Variants in REPS2 observed in about 807,000 individuals in gnomAD.
REPS2 encodes RALBP1 associated Eps domain containing 2.
In REPS2, 23 loss-of-function variants were observed where a neutral mutation model predicts 53.6. That is an observed-to-expected ratio of 0.43 (90% confidence interval 0.31 to 0.61). The LOEUF (loss-of-function observed/expected upper bound fraction) is 0.61, where lower values mean the gene tolerates loss of function less well. REPS2 is among the 20% of genes least tolerant of loss of function. REPS2 has a pLI of 0.11. For synonymous variants in REPS2, 238 were observed against 218.6 expected (o/e 1.09, Z -0.78); for missense variants, 446 against 534.9 (o/e 0.83, Z 1.64).
intron 14 of REPS2, among the ~76,000 whole-genome samples, chrX:17,106,092 C>T (rs1283474554): frequency 2.7e-5 from 3 of 111,745 alleles, no homozygotes; most frequent in Non-Finnish European, 5.6e-5. Context: ...CCAGCAATTT[C>T]CTAGCTTCTG....
intron 15 of REPS2, 150 bp downstream of exon 15, chrX:17,134,057 A>G (rs1430043237): frequency 4.1e-6 from 2 of 483,213 alleles, no homozygotes; most frequent in Non-Finnish European, 7.2e-6. Context: ...TTCTTTGTGA[A>G]GATTGGGGTC....
intron 10 of REPS2, among the ~76,000 whole-genome samples, chrX:17,069,423 A>G (rs2062273203): frequency 8.9e-6 from 1 of 112,576 alleles, no homozygotes; most frequent in Non-Finnish European, 1.9e-5. Flanking sequence ...AACATGAAAA[A>G]TAAGTTTTCC....
chrX:16,994,922 T>A (rs1450949966), intron 1 of REPS2, among the ~76,000 whole-genome samples: 1 of 112,121 alleles, frequency 8.9e-6, no homozygotes. Context: ...TCTGACACTT[T>A]TAGCTTATTT....
At chrX:17,087,043 G>GGGGGTGCA (rs1413365828) in intron 13 of REPS2, among the ~76,000 whole-genome samples, 1 of 112,141 alleles carries the variant, frequency 8.9e-6, no homozygotes, top group African/African-American at 3.2e-5. Context: ...TTTGTGGGCA[G>GGGGGTGCA]GGGGTGCACA....
In REPS2 at chrX:16,946,890, C is replaced by G; in HGVS notation, c.29C>G (p.Ala10Gly). 2.6e-6 allele frequency: 2 copies of G among 768,840 alleles called. No individual in the cohort carries two copies. Among genetic ancestry groups the G allele is most frequent in the Non-Finnish European group, 3.1e-6 (2 of 652,478 alleles). The allele number at this position is 768,840 out of a possible 1,213,427, so 63.4% of individuals were successfully genotyped here. ...GAGGCGGCAGCGGCGGCGGCGGCGGCGGCAGCGGCAGCGGCAGCGGCGGGC... is the reference window on the plus strand; with the variant it reads ...GAGGCGGCAGCGGCGGCGGCGGCGGGGGCAGCGGCAGCGGCAGCGGCGGGC... The part of the protein sequence containing the change: MEAAAAAAA[A>G]AAAAAAAGGG... The change falls in exon 1 of 18, where the codon GCG becomes GGG. Residue 10 changes from alanine (A) to glycine (G), a missense_variant. Coordinates refer to ENST00000357277, the MANE Select transcript of REPS2 (RefSeq NM_004726.3).
At chrX:17,077,468 C>T in intron 13 of REPS2, 61 bp downstream of exon 13, 1 of 1,091,768 alleles carries the variant, frequency 9.2e-7, no homozygotes, top group African/African-American at 1.8e-5. Context: ...GGATGTGTGT[C>T]TGCCACAGTG....
At position 17,141,059 on chromosome X, in the gene REPS2, C is replaced by T. The variant is rs188576463; in HGVS notation, c.1914+2098C>T. On this transcript the variant is annotated intron_variant, in intron 17 of 17. Transcript: ENST00000357277. ...TGCTGGGATTACAGGCGTGAGCCAC[C>T]GCGCCAGCGCACGCACAAACCTTAA... Among the ~76,000 whole-genome samples the T allele has an allele frequency of 5.0e-3, 555 of 111,747 alleles. 5 individuals are homozygous for T. The highest frequency in any genetic ancestry group is 0.016 in the African/African-American group (507 of 30,773).
intron 13 of REPS2, among the ~76,000 whole-genome samples, chrX:17,096,712 C>T (rs1280741577): frequency 1.0e-5 from 1 of 99,944 alleles, no homozygotes. Context: ...AATGAATGGC[C>T]AAGAAATTAT....
At chrX:17,044,130 G>A (rs1423049218) in intron 5 of REPS2, among the ~76,000 whole-genome samples, 2 of 111,544 alleles carry the variant, frequency 1.8e-5, no homozygotes, top group African/African-American at 6.5e-5. Flanking sequence ...GTAGACCTGA[G>A]ACCTGCCTGC....
intron 1 of REPS2, among the ~76,000 whole-genome samples, chrX:16,958,078 G>A (rs760083056): frequency 1.3e-4 from 14 of 111,832 alleles, no homozygotes; most frequent in Non-Finnish European, 2.1e-4. Flanking sequence ...CTTGCCCAAG[G>A]TCACATAGAT....
intron 1 of REPS2, among the ~76,000 whole-genome samples, chrX:17,004,862 C>CT (rs5901600): frequency 9.6e-6 from 1 of 104,485 alleles, no homozygotes; most frequent in African/African-American, 3.5e-5. Context: ...ATTACAATGT[C>CT]TTTTTTTTTT....
intron 1 of REPS2, among the ~76,000 whole-genome samples, chrX:16,961,794 G>A (rs189836504): frequency 6.3e-5 from 7 of 111,869 alleles, no homozygotes; most frequent in African/African-American, 1.9e-4. Context: ...GAACTCAATG[G>A]TAAGAAAATG....
intron 13 of REPS2, among the ~76,000 whole-genome samples, chrX:17,080,948 A>G (rs936951910): frequency 3.6e-5 from 4 of 110,702 alleles, no homozygotes; most frequent in African/African-American, 9.9e-5. Context: ...GGGGAAGCCT[A>G]CCTCACCTGC....
intron 13 of REPS2, among the ~76,000 whole-genome samples, chrX:17,095,923 T>C (rs1229586489): frequency 8.9e-6 from 1 of 112,186 alleles, no homozygotes; most frequent in African/African-American, 3.2e-5. Flanking sequence ...TCTAGTCAGC[T>C]ATTAGTTGCT....
intron 2 of REPS2, among the ~76,000 whole-genome samples, chrX:17,015,592 T>C (rs1310224640): frequency 9.5e-6 from 1 of 104,900 alleles, no homozygotes; most frequent in Admixed American, 1.0e-4. Flanking sequence ...CCCCGGTGTG[T>C]GATGTTCCCC....
intron 13 of REPS2, among the ~76,000 whole-genome samples, chrX:17,079,703 G>A (rs1413408143): frequency 8.9e-6 from 1 of 112,029 alleles, no homozygotes; most frequent in Non-Finnish European, 1.9e-5. Context: ...TCTGTTCATA[G>A]CCTAATTCCA....
chrX:16,957,054 G>A (rs1338179612), intron 1 of REPS2, among the ~76,000 whole-genome samples: 1 of 112,304 alleles, frequency 8.9e-6, no homozygotes, highest in African/African-American at 3.2e-5. Flanking sequence ...GTAATTAAAT[G>A]TTTCACCTGT....
At chrX:17,077,241 C>A (rs763074465) in intron 12 of REPS2, 30 bp from the exon 13 acceptor site, 11 of 1,142,507 alleles carry the variant, frequency 9.6e-6, no homozygotes, top group Middle Eastern at 2.5e-4. Flanking sequence ...TTTGCTATTT[C>A]GCTTCTGACC....
chrX:16,955,345 C>G (rs768502369), intron 1 of REPS2, among the ~76,000 whole-genome samples: 117 of 111,610 alleles, frequency 1.0e-3, no homozygotes, highest in African/African-American at 3.5e-3. Flanking sequence ...CACCCCCTCT[C>G]TTGGTTGCTG....
Sources: allele counts gnomAD v4.1 joint callset (sites outside exome capture counted in the v4.1 genomes callset), GRCh38; gene constraint gnomAD v4.1.1; transcripts MANE v1.5; gene names NCBI Gene and HGNC (gene_info 2026-07-23, HGNC 2026-07-21).